Variants in SDK2 observed in about 807,000 individuals in gnomAD.
SDK2 encodes the protein sidekick cell adhesion molecule 2.
A neutral mutation model predicts 253.9 loss-of-function variants in SDK2; 105 were observed. The ratio of observed to expected loss-of-function variants is 0.41; its 90% CI spans 0.35 to 0.49. SDK2 has a LOEUF of 0.49. Among genes scored for constraint, SDK2 ranks in the 20% least tolerant of loss-of-function variants. The probability of loss-of-function intolerance (pLI) is 0.06; values close to 1 mark genes in which losing one functional copy is unlikely to be tolerated. For synonymous variants in SDK2, 1,249 were observed against 1,234.9 expected (o/e 1.01, Z -0.24); for missense variants, 2,608 against 3,003.0 (o/e 0.87, Z 3.07).
At chr17:73,492,373 C>A (rs760668492) in intron 2 of SDK2, among the ~76,000 whole-genome samples, 3 of 152,094 alleles carry the variant, frequency 2.0e-5, no homozygotes, top group Admixed American at 2.0e-4. Context: ...GTTTGAGTGC[C>A]GCGGTGGCTG....
At chr17:73,429,487 C>T (rs1394908620) in intron 12 of SDK2, among the ~76,000 whole-genome samples, 1 of 152,208 alleles carries the variant, frequency 6.6e-6, no homozygotes, top group Non-Finnish European at 1.5e-5. Flanking sequence ...CCTGGAGCCC[C>T]TTGTACCAAC....
At chr17:73,344,854 C>T (rs1255254708) in intron 44 of SDK2, among the ~76,000 whole-genome samples, 1 of 152,192 alleles carries the variant, frequency 6.6e-6, no homozygotes, top group Non-Finnish European at 1.5e-5. Context: ...CATAACCCTG[C>T]TCCAGCCAGC....
chr17:73,410,288 G>T (rs760556185), intron 18 of SDK2, among the ~76,000 whole-genome samples: 18 of 132,230 alleles, frequency 1.4e-4, no homozygotes, highest in Non-Finnish European at 1.9e-4. Flanking sequence ...GTAAAATGGT[G>T]TGATGGTAAT....
intron 1 of SDK2, among the ~76,000 whole-genome samples, chr17:73,556,244 G>A (rs555355323): frequency 4.7e-4 from 71 of 152,348 alleles, no homozygotes; most frequent in African/African-American, 1.6e-3. Flanking sequence ...CAGATCAACA[G>A]AGCAAAACAG....
chr17:73,592,977 A>AC (rs1045775308), intron 1 of SDK2, among the ~76,000 whole-genome samples: 8 of 120,974 alleles, frequency 6.6e-5, no homozygotes, highest in African/African-American at 2.5e-4. Flanking sequence ...TCACAGGATC[A>AC]CCCCAGAGTG....
intron 1 of SDK2, among the ~76,000 whole-genome samples, chr17:73,512,231 A>G (rs568792828): frequency 1.1e-4 from 16 of 152,306 alleles, no homozygotes; most frequent in African/African-American, 3.6e-4. Flanking sequence ...AAATACATTA[A>G]TAAATATATA....
chr17:73,451,891 G>A (rs1235050615), intron 4 of SDK2, among the ~76,000 whole-genome samples: 1 of 152,150 alleles, frequency 6.6e-6, no homozygotes, highest in African/African-American at 2.4e-5. Context: ...AAAGAAGCTG[G>A]AGGAAGAATT....
At chr17:73,560,614 A>G (rs1443832867) in intron 1 of SDK2, among the ~76,000 whole-genome samples, 2 of 152,252 alleles carry the variant, frequency 1.3e-5, no homozygotes, top group Admixed American at 6.5e-5. Flanking sequence ...TGCTGGGATT[A>G]CAGGCATGAG....
intron 1 of SDK2, among the ~76,000 whole-genome samples, chr17:73,600,717 C>T (rs879816235): frequency 6.6e-6 from 1 of 152,224 alleles, no homozygotes; most frequent in East Asian, 1.9e-4. Flanking sequence ...AACCACAGCC[C>T]ATCAAGAGGC....
rs1042461562 is a variant in SDK2 at position 73,431,279 on chromosome 17, C to T, written c.1480+223G>A. Among the ~76,000 whole-genome samples the T allele has an allele frequency of 5.3e-5, 8 of 152,172 alleles. No homozygotes were observed. The highest frequency in any genetic ancestry group is 1.0e-4 in the Non-Finnish European group (7 of 68,026). On this transcript the variant is annotated intron_variant, in intron 11 of 44. Transcript: ENST00000392650. The surrounding 1 kb of genome is among the most constrained non-coding windows in gnomAD (Gnocchi z 5.6). ...CTATAACTTCAATGTTCTCTCAAGT[C>T]GGCCAAGCATAGCATCACCGGCAGA... is the stretch of plus-strand genomic sequence containing the variant.
chr17:73,526,813 G>GA (rs546094727), intron 1 of SDK2, among the ~76,000 whole-genome samples: 4 of 152,222 alleles, frequency 2.6e-5, no homozygotes, highest in Non-Finnish European at 5.9e-5. Context: ...GCAGTGTGAG[G>GA]AAAGATGAAG....
At chr17:73,601,567 C>G (rs191416651) in intron 1 of SDK2, among the ~76,000 whole-genome samples, 1 of 152,026 alleles carries the variant, frequency 6.6e-6, no homozygotes, top group Non-Finnish European at 1.5e-5. Context: ...GGGATAGGGC[C>G]GAGGGACAAC....
At chr17:73,533,755 G>A (rs866090718) in intron 1 of SDK2, among the ~76,000 whole-genome samples, 4 of 144,070 alleles carry the variant, frequency 2.8e-5, no homozygotes, top group African/African-American at 7.8e-5. Context: ...AGCTCTCTCT[G>A]TCTTCGCCAG....
intron 13 of SDK2, among the ~76,000 whole-genome samples, 195 bp from the exon 14 acceptor site, chr17:73,423,717 C>T (rs530298638): frequency 1.3e-5 from 2 of 152,176 alleles, no homozygotes; most frequent in African/African-American, 2.4e-5. Context: ...CATCCTCACA[C>T]CCCCCTGCTC....
intron 3 of SDK2, among the ~76,000 whole-genome samples, chr17:73,463,143 A>G (rs982847056): frequency 7.9e-5 from 12 of 152,162 alleles, no homozygotes; most frequent in Admixed American, 2.0e-4. Flanking sequence ...AAAACAGTTA[A>G]GGGCTTGCCA....
At chr17:73,422,919 G>T (rs986683582) in intron 14 of SDK2, among the ~76,000 whole-genome samples, 3 of 152,108 alleles carry the variant, frequency 2.0e-5, no homozygotes, top group African/African-American at 7.2e-5. Flanking sequence ...TACTTCGGAG[G>T]CTGAGACAGG....
rs1248507659 is a variant in SDK2 at position 73,502,079 on chromosome 17, GCACATACACACACACA to G, written c.224+5343_224+5358del. Among the ~76,000 whole-genome samples the G allele has an allele frequency of 9.6e-4, 142 of 147,168 alleles. No homozygotes were observed. In the East Asian group the frequency reaches 0.01, roughly 11 times the overall value. On this transcript the variant is annotated intron_variant, in intron 2 of 44. Transcript: ENST00000392650. ...GTGCACAGGCTTGCCTTTGTGTAGT[GCACATACACACACACA>G]CACACACACACACACACACACACAC...
At chr17:73,341,230 C>CT (rs11347151) in intron 44 of SDK2, among the ~76,000 whole-genome samples, 3,558 of 120,274 alleles carry the variant, frequency 0.03, 206 homozygotes, top group African/African-American at 0.099. Context: ...TTATTCCTGA[C>CT]TTTTTTTTTT....
At chr17:73,627,459 C>T (rs2046216696) in intron 1 of SDK2, among the ~76,000 whole-genome samples, 5 of 152,198 alleles carry the variant, frequency 3.3e-5, no homozygotes, top group Admixed American at 2.6e-4. Context: ...GGGTGCTCCT[C>T]AGCTCCCCCA....
Sources: gnomAD v4.1 joint callset for allele counts (sites outside exome capture counted in the v4.1 genomes callset) on GRCh38, gnomAD v4.1.1 for gene constraint, Gnocchi (gnomAD v3.1) non-coding constraint, MANE v1.5 for transcripts, NCBI Gene and HGNC (gene_info 2026-07-23, HGNC 2026-07-21) for gene names.